The following AMN1 variants were observed in gnomAD, a reference collection of about 807,000 sequenced individuals.
The protein encoded by AMN1 is antagonist of mitotic exit network 1 homolog.
In AMN1, 20 loss-of-function variants were observed where a neutral mutation model predicts 33.0. The ratio of observed to expected loss-of-function variants is 0.61; its 90% confidence interval spans 0.43 to 0.88. The LOEUF (loss-of-function observed/expected upper bound fraction) is 0.88, where lower values mean the gene tolerates loss of function less well. Ranked by LOEUF, AMN1 falls within the 40% of genes least tolerant of loss-of-function variation. The probability of loss-of-function intolerance (pLI) is 0.00; values close to 1 mark genes in which losing one functional copy is unlikely to be tolerated. For missense variants in AMN1, 246 were observed against 307.4 expected (o/e 0.80, Z 1.49); for synonymous variants, 114 against 111.9 (o/e 1.02, Z -0.12).
chr12:31,675,500 CT>C lies in AMN1; in HGVS notation c.704-3124del, dbSNP rs766169147. 2.2e-3 allele frequency among the ~76,000 whole-genome samples: 314 copies of C among 143,162 alleles called. 1 individual carries two copies. Among genetic ancestry groups the C allele is most frequent in the South Asian group, 5.6e-3 (25 of 4,504 alleles). 93.9% of individuals were successfully genotyped at this position (143,162 alleles called of 152,430 possible). ...TAGGATCAAGACAAGGATATCCACA[CT>C]TTTTTTTTTTTTTGAGACAGAGTCT... On this transcript the variant is annotated intron_variant, in intron 6 of 6. Coordinates refer to ENST00000281471, the MANE Select transcript of AMN1 (RefSeq NM_001113402.2).
chr12:31,679,817 G>C (rs1216993978), intron 6 of AMN1, among the ~76,000 whole-genome samples: 2 of 152,008 alleles, frequency 1.3e-5, no homozygotes, highest in Non-Finnish European at 2.9e-5. Context: ...AGACCTAATT[G>C]AATTAAAATG....
At chr12:31,702,145 G>T in intron 2 of AMN1, 138 bp from the exon 3 acceptor site, 1 of 766,126 alleles carries the variant, frequency 1.3e-6, no homozygotes, top group Non-Finnish European at 2.0e-6. Context: ...GCATATCCAT[G>T]TGCAGACAGA....
intron 6 of AMN1, among the ~76,000 whole-genome samples, chr12:31,680,461 C>A (rs911818315): frequency 2.6e-5 from 4 of 152,292 alleles, no homozygotes; most frequent in Admixed American, 6.5e-5. Context: ...TCGGCCCCCC[C>A]ACAGGGCTGG....
chr12:31,697,565 CTTAA>C, intron 4 of AMN1, 148 bp from the exon 5 acceptor site: 2 of 1,032,386 alleles, frequency 1.9e-6, no homozygotes, highest in East Asian at 2.5e-5. Flanking sequence ...ACCCTTGCTA[CTTAA>C]TTGAGAGGAA....
intron 2 of AMN1, among the ~76,000 whole-genome samples, chr12:31,704,429 CA>C (rs1389424498): frequency 5.3e-5 from 8 of 149,702 alleles, no homozygotes; most frequent in African/African-American, 2.0e-4. Context: ...TTTATATTGT[CA>C]AGATAAAAAA....
intron 1 of AMN1, among the ~76,000 whole-genome samples, chr12:31,719,596 G>A (rs1939805664): frequency 6.6e-6 from 1 of 152,092 alleles, no homozygotes; most frequent in Non-Finnish European, 1.5e-5. Context: ...AAGGTATGGA[G>A]AACATCAAAT....
intron 6 of AMN1, 50 bp downstream of exon 6, chr12:31,688,957 C>T (rs1391408951): frequency 1.6e-6 from 2 of 1,225,098 alleles, no homozygotes; most frequent in South Asian, 1.3e-5. Flanking sequence ...CAAGGTCACA[C>T]AGTAAAAGAT....
chr12:31,708,536 CCT>C (rs1939339892), intron 2 of AMN1: 1 of 152,914 alleles, frequency 6.5e-6, no homozygotes, highest in Non-Finnish European at 1.5e-5. Flanking sequence ...TTGTCCTTGC[CCT>C]GTTTCCTCAG....
intron 1 of AMN1, among the ~76,000 whole-genome samples, chr12:31,710,448 TC>T: frequency 6.6e-6 from 1 of 152,136 alleles, no homozygotes; most frequent in Admixed American, 6.6e-5. Flanking sequence ...TTTTTCTTTT[TC>T]CTCTTTTGGT....
intron 6 of AMN1, among the ~76,000 whole-genome samples, chr12:31,682,822 A>C (rs1471682771): frequency 6.6e-6 from 1 of 152,214 alleles, no homozygotes; most frequent in Non-Finnish European, 1.5e-5. Context: ...CACCTAGTCC[A>C]GCATTTACCA....
At chr12:31,673,731 C>A in intron 6 of AMN1, 1 of 354,584 alleles carries the variant, frequency 2.8e-6, no homozygotes, top group Non-Finnish European at 5.6e-6. Context: ...CTCAACAAAA[C>A]ACCAGCACAC....
At chr12:31,722,146 CACACACACA>C (rs1939900730) in intron 1 of AMN1, among the ~76,000 whole-genome samples, 2 of 150,400 alleles carry the variant, frequency 1.3e-5, no homozygotes, top group Non-Finnish European at 3.0e-5. Flanking sequence ...CACACACACA[CACACACACA>C]CACACACACA....
At chr12:31,717,429 T>G (rs1432211210) in intron 1 of AMN1, among the ~76,000 whole-genome samples, 1 of 152,230 alleles carries the variant, frequency 6.6e-6, no homozygotes, top group Non-Finnish European at 1.5e-5. Flanking sequence ...AAGCAAACAT[T>G]CATTGTAATA....
chr12:31,704,861 A>T (rs766800964), intron 2 of AMN1, among the ~76,000 whole-genome samples: 3 of 152,216 alleles, frequency 2.0e-5, no homozygotes, highest in Non-Finnish European at 4.4e-5. Context: ...GCCATCAAAC[A>T]AAAACCTAAG....
In AMN1 at chr12:31,697,959, T is replaced by C; in HGVS notation, c.317-2A>G. 6.2e-7 allele frequency: 1 copy of C among 1,613,486 alleles called. No individual in the cohort carries two copies. The highest frequency in any genetic ancestry group is 8.5e-7 in the Non-Finnish European group (1 of 1,179,470). On this transcript the variant is annotated splice_acceptor_variant, in intron 3 of 6. Coordinates refer to ENST00000281471, the MANE Select transcript of AMN1 (RefSeq NM_001113402.2). LOFTEE classifies it high-confidence loss of function. The stretch of plus-strand genomic sequence containing the variant: ...AAGATGAAGCCACAGCTTTTATTCC[T>C]GGGGGAAAATATAATTATATATCAA...
intron 2 of AMN1, 133 bp from the exon 3 acceptor site, chr12:31,702,140 T>C: frequency 1.3e-6 from 1 of 793,670 alleles, no homozygotes; most frequent in South Asian, 1.9e-5. Flanking sequence ...CAGAAGCATA[T>C]CCATGTGCAG....
intron 5 of AMN1, among the ~76,000 whole-genome samples, chr12:31,693,271 C>A (rs1461560883): frequency 6.6e-6 from 1 of 151,880 alleles, no homozygotes; most frequent in Non-Finnish European, 1.5e-5. Context: ...GAGTTTCGCT[C>A]TTGTTGCCCA....
chr12:31,726,524 G>A (rs1030457030), intron 1 of AMN1, among the ~76,000 whole-genome samples: 4 of 152,180 alleles, frequency 2.6e-5, no homozygotes, highest in Non-Finnish European at 4.4e-5. Flanking sequence ...TCATGTCCCA[G>A]ATCCAAAGGA....
chr12:31,724,616 A>G (rs927812726), intron 1 of AMN1, among the ~76,000 whole-genome samples: 1 of 152,172 alleles, frequency 6.6e-6, no homozygotes, highest in Admixed American at 6.5e-5. Flanking sequence ...AGACTACTGT[A>G]TTTTGCTTTA....
Sources: allele counts gnomAD v4.1 joint callset (sites outside exome capture counted in the v4.1 genomes callset), GRCh38; gene constraint gnomAD v4.1.1; transcripts MANE v1.5; gene names NCBI Gene and HGNC (gene_info 2026-07-23, HGNC 2026-07-21).